The following NARS2 variants were observed in gnomAD, a reference collection of about 807,000 sequenced individuals.
NARS2 encodes asparaginyl-tRNA synthetase 2, mitochondrial.
A neutral mutation model predicts 62.9 loss-of-function variants in NARS2; 60 were observed. That is an observed-to-expected ratio of 0.95 (90% CI 0.77 to 1.18). The LOEUF (loss-of-function observed/expected upper bound fraction) is 1.18. Among genes scored for constraint, NARS2 ranks in the 50% most tolerant of loss-of-function variants. NARS2 has a pLI of 0.00. For missense variants in NARS2, 619 were observed against 576.4 expected (o/e 1.07, Z -0.76); for synonymous variants, 196 against 200.0 (o/e 0.98, Z 0.17).
chr11:78,469,768 G>A (rs1394599487), intron 9 of NARS2, among the ~76,000 whole-genome samples: 1 of 147,950 alleles, frequency 6.8e-6, no homozygotes, highest in African/African-American at 2.4e-5. Flanking sequence ...GTGTGTCAGA[G>A]AGAGAGAGAG....
chr11:78,438,980 A>T (rs1857494728), intron 13 of NARS2, among the ~76,000 whole-genome samples: 3 of 146,032 alleles, frequency 2.1e-5, no homozygotes, highest in East Asian at 2.0e-4. Context: ...TATTTAACCA[A>T]TTTTTTTTTT....
intron 4 of NARS2, among the ~76,000 whole-genome samples, chr11:78,560,273 A>G (rs973003998): frequency 6.6e-6 from 1 of 152,226 alleles, no homozygotes; most frequent in African/African-American, 2.4e-5. Flanking sequence ...CTTTGCCTGA[A>G]GGAATATTCT....
intron 10 of NARS2, among the ~76,000 whole-genome samples, chr11:78,466,579 C>T (rs1156357239): frequency 2.0e-5 from 3 of 152,110 alleles, no homozygotes; most frequent in African/African-American, 7.2e-5. Context: ...CTCCCGGGTT[C>T]AAGTGATTCT....
intron 5 of NARS2, among the ~76,000 whole-genome samples, chr11:78,548,896 C>T (rs1184648575): frequency 6.6e-6 from 1 of 152,180 alleles, no homozygotes; most frequent in African/African-American, 2.4e-5. Flanking sequence ...TACTAAAGCT[C>T]GGTGAGGACA....
At chr11:78,542,497 G>A (rs1223015351) in intron 5 of NARS2, among the ~76,000 whole-genome samples, 2 of 152,002 alleles carry the variant, frequency 1.3e-5, no homozygotes, top group Non-Finnish European at 2.9e-5. Flanking sequence ...GGGGCTTTAA[G>A]GATGAATATG....
At chr11:78,500,248 C>T (rs1430591714) in intron 6 of NARS2, among the ~76,000 whole-genome samples, 1 of 152,080 alleles carries the variant, frequency 6.6e-6, no homozygotes, top group Non-Finnish European at 1.5e-5. Context: ...CATGGCTCCT[C>T]CACTTATGAA....
At chr11:78,569,225 T>C (rs1408169889) in intron 2 of NARS2, among the ~76,000 whole-genome samples, 1 of 152,226 alleles carries the variant, frequency 6.6e-6, no homozygotes, top group East Asian at 1.9e-4. Flanking sequence ...CTCCCATAGA[T>C]TAACTGTATG....
At chr11:78,462,018 T>C (rs1450869462) in intron 11 of NARS2, among the ~76,000 whole-genome samples, 1 of 152,166 alleles carries the variant, frequency 6.6e-6, no homozygotes, top group African/African-American at 2.4e-5. Flanking sequence ...CACAATGCTA[T>C]AGTTTCGCTA....
In NARS2 at chr11:78,465,963, A is replaced by C. The variant is rs747320266; in HGVS notation, c.1077T>G (p.Cys359Trp). The change falls in exon 11 of 14, where the codon TGT becomes TGG. Residue 359 changes from cysteine to tryptophan, a missense_variant. Cys to Trp is a radical substitution (Grantham distance 215). Coordinates refer to ENST00000281038, the MANE Select transcript of NARS2 (RefSeq NM_024678.6). ...TAATAACGAAGACAGGTATGTTGCC[A>C]CAGTGCTTCACCAGGTACTTTTCAT... Reference protein sequence around the residue: ...TEHEKYLVKHCGNIPVFVINY... With the variant: ...TEHEKYLVKHWGNIPVFVINY... 6.2e-7 allele frequency: 1 copy of C among 1,613,894 alleles called. No homozygotes were observed. The highest frequency in any genetic ancestry group is 8.5e-7 in the Non-Finnish European group (1 of 1,179,872).
At chr11:78,520,190 G>A (rs1861063775) in intron 6 of NARS2, among the ~76,000 whole-genome samples, 1 of 152,102 alleles carries the variant, frequency 6.6e-6, no homozygotes, top group African/African-American at 2.4e-5. Context: ...TCAGCTGTGA[G>A]GCTACAAATC....
At chr11:78,546,994 C>T (rs1003776490) in intron 5 of NARS2, among the ~76,000 whole-genome samples, 9 of 152,192 alleles carry the variant, frequency 5.9e-5, no homozygotes, top group Non-Finnish European at 1.0e-4. Flanking sequence ...TTTAATTATT[C>T]TGCTACGATT....
At chr11:78,437,804 G>GT (rs1164224838) in intron 13 of NARS2, among the ~76,000 whole-genome samples, 1 of 151,688 alleles carries the variant, frequency 6.6e-6, no homozygotes, top group Non-Finnish European at 1.5e-5. Context: ...GTGATACCCC[G>GT]TCTCTACTAA....
intron 11 of NARS2, among the ~76,000 whole-genome samples, chr11:78,461,278 T>G (rs1227456655): frequency 6.6e-6 from 1 of 152,068 alleles, no homozygotes; most frequent in Non-Finnish European, 1.5e-5. Context: ...GGACTGGGCC[T>G]TGAGGAATTC....
chr11:78,462,380 T>C (rs1858434508), intron 11 of NARS2, among the ~76,000 whole-genome samples: 1 of 152,196 alleles, frequency 6.6e-6, no homozygotes, highest in South Asian at 2.1e-4. Flanking sequence ...AAAAAGAGAA[T>C]ATAAGAATCA....
At chr11:78,463,738 C>CAA (rs1858493023) in intron 11 of NARS2, among the ~76,000 whole-genome samples, 1 of 40,962 alleles carries the variant, frequency 2.4e-5, no homozygotes, top group Non-Finnish European at 6.7e-5. Context: ...AAAAAAAAAA[C>CAA]CACAGGACAA....
chr11:78,446,892 C>T (rs925185555), intron 11 of NARS2, among the ~76,000 whole-genome samples: 4 of 151,760 alleles, frequency 2.6e-5, no homozygotes, highest in African/African-American at 9.7e-5. Flanking sequence ...AAACAATTAA[C>T]AAAGTGAAGA....
At chr11:78,464,620 C>T (rs1047533214) in intron 11 of NARS2, among the ~76,000 whole-genome samples, 1 of 151,906 alleles carries the variant, frequency 6.6e-6, no homozygotes, top group Middle Eastern at 3.4e-3. Flanking sequence ...GAGCTAGACA[C>T]AGGGTGCTGA....
intron 11 of NARS2, among the ~76,000 whole-genome samples, chr11:78,445,075 A>T (rs988082160): frequency 2.0e-4 from 30 of 152,204 alleles, no homozygotes; most frequent in Non-Finnish European, 4.0e-4. Flanking sequence ...GATAGAAAAA[A>T]GACTATCATC....
chr11:78,532,537 A>G (rs1209877487), intron 5 of NARS2, among the ~76,000 whole-genome samples: 1 of 152,250 alleles, frequency 6.6e-6, no homozygotes, highest in South Asian at 2.1e-4. Context: ...GAAACTTTAA[A>G]TTACTCTGAG....
Sources: allele counts gnomAD v4.1 joint callset (sites outside exome capture counted in the v4.1 genomes callset), GRCh38; gene constraint gnomAD v4.1.1; transcripts MANE v1.5; gene names NCBI Gene and HGNC (gene_info 2026-07-23, HGNC 2026-07-21).